Variants in TAF1B observed in about 807,000 individuals in gnomAD.
The protein encoded by TAF1B is TATA-box binding protein associated factor, RNA polymerase I subunit B.
TAF1B carries 61 observed loss-of-function variants against 83.9 expected under a neutral mutation model. That is an observed-to-expected ratio of 0.73 (90% CI 0.59 to 0.90). The LOEUF (loss-of-function observed/expected upper bound fraction) is 0.90, where lower values mean the gene tolerates loss of function less well. Ranked by LOEUF, TAF1B falls within the 40% of genes least tolerant of loss-of-function variation. The pLI, the probability that TAF1B is intolerant of heterozygous loss-of-function variation, is 0.00. For missense variants in TAF1B, 625 were observed against 677.0 expected, an observed-to-expected ratio of 0.92 and a Z score of 0.85; for synonymous variants, 221 against 224.6, an observed-to-expected ratio of 0.98 and a Z score of 0.14.
At chr2:9,868,045 G>A (rs2125146100) in intron 5 of TAF1B, among the ~76,000 whole-genome samples, 1 of 152,312 alleles carries the variant, frequency 6.6e-6, no homozygotes, top group Middle Eastern at 3.4e-3. Flanking sequence ...AGACCTGATG[G>A]CAGGGCTGGC....
At chr2:9,929,738 T>C (rs570453953) in intron 14 of TAF1B, among the ~76,000 whole-genome samples, 1 of 152,326 alleles carries the variant, frequency 6.6e-6, no homozygotes, top group East Asian at 1.9e-4. Context: ...TTTCTGTTGA[T>C]TGGAATAGTT....
chr2:9,891,614 G>T (rs454269), intron 8 of TAF1B, among the ~76,000 whole-genome samples: 42,475 of 152,002 alleles, frequency 0.28, 6,922 homozygotes, highest in Middle Eastern at 0.4. Flanking sequence ...GGCAGGTTCC[G>T]TAGGAGATAT....
chr2:9,910,614 A>C (rs1222101042), intron 9 of TAF1B, 122 bp from the exon 10 acceptor site: 37 of 750,134 alleles, frequency 4.9e-5, no homozygotes, highest in Non-Finnish European at 1.2e-5. Context: ...TTTATTCACA[A>C]AATGTGGGTC....
At chr2:9,892,204 A>G (rs756757478) in intron 8 of TAF1B, among the ~76,000 whole-genome samples, 3 of 152,232 alleles carry the variant, frequency 2.0e-5, no homozygotes, top group African/African-American at 2.4e-5. Flanking sequence ...ATTCAGCAGT[A>G]TATAACATGC....
In TAF1B at chr2:9,924,955, A is replaced by G. The variant is rs191128167; in HGVS notation, c.1565+5135A>G. Among the ~76,000 whole-genome samples, 1,003 of 152,280 alleles carry G rather than the reference A, an allele frequency of 6.6e-3. 10 individuals are homozygous for G. The highest frequency in any genetic ancestry group is 0.021 in the African/African-American group (870 of 41,564). ...TTACTATTCCTCCAATTGTTATAAC[A>G]GTTGGCTAGGTCAGAAGACCTGACT... On this transcript the variant is annotated intron_variant, in intron 14 of 14. Transcript: ENST00000263663.
At chr2:9,851,921 G>C (rs1013085595) in intron 4 of TAF1B, 2 of 559,408 alleles carry the variant, frequency 3.6e-6, no homozygotes, top group Non-Finnish European at 7.0e-6. Context: ...TAACTTTGGG[G>C]GTTTATTAGT....
At chr2:9,902,227 C>CA (rs1255438277) in intron 8 of TAF1B, among the ~76,000 whole-genome samples, 25 of 144,190 alleles carry the variant, frequency 1.7e-4, no homozygotes, top group Non-Finnish European at 2.0e-4. Flanking sequence ...ATATATGAAG[C>CA]TTTTTTTTTT....
chr2:9,868,208 T>C (rs1231686315), intron 5 of TAF1B, 68 bp from the exon 6 acceptor site: 3 of 1,544,894 alleles, frequency 1.9e-6, no homozygotes, highest in East Asian at 2.3e-5. Flanking sequence ...AGGAGTTGTT[T>C]AAGTTCACAG....
At chr2:9,932,677 A>G (rs1229977847) in intron 14 of TAF1B, among the ~76,000 whole-genome samples, 6 of 152,102 alleles carry the variant, frequency 3.9e-5, no homozygotes, top group African/African-American at 1.2e-4. Flanking sequence ...CTCAAACACC[A>G]TGCTGTGAGA....
chr2:9,872,400 G>A (rs774411398), intron 6 of TAF1B, among the ~76,000 whole-genome samples: 11 of 151,898 alleles, frequency 7.2e-5, no homozygotes, highest in Non-Finnish European at 1.3e-4. Context: ...CCTGGTGTTA[G>A]GCCTGCCTTC....
chr2:9,915,875 A>G (rs973721880), intron 12 of TAF1B, among the ~76,000 whole-genome samples: 17 of 151,576 alleles, frequency 1.1e-4, no homozygotes, highest in African/African-American at 4.1e-4. Context: ...AAACTGTTGT[A>G]TCCGTACAGT....
At chr2:9,898,222 C>G (rs1665076820) in intron 8 of TAF1B, among the ~76,000 whole-genome samples, 1 of 152,124 alleles carries the variant, frequency 6.6e-6, no homozygotes, top group Non-Finnish European at 1.5e-5. Flanking sequence ...TCCTGGAGAG[C>G]TTGTTTAAAC....
At chr2:9,885,140 C>T (rs986634245) in intron 8 of TAF1B, among the ~76,000 whole-genome samples, 1 of 152,164 alleles carries the variant, frequency 6.6e-6, no homozygotes, top group South Asian at 2.1e-4. Context: ...AGTAGGCAAA[C>T]AGGCTAAAAG....
chr2:9,885,672 C>T (rs1177003972), intron 8 of TAF1B, among the ~76,000 whole-genome samples: 1 of 152,122 alleles, frequency 6.6e-6, no homozygotes, highest in Non-Finnish European at 1.5e-5. Context: ...ACTACTTTTG[C>T]ATTAGCTATC....
chr2:9,898,894 G>A (rs1253565678), intron 8 of TAF1B, among the ~76,000 whole-genome samples: 1 of 137,872 alleles, frequency 7.3e-6, no homozygotes, highest in South Asian at 2.3e-4. Flanking sequence ...TTTAACATGT[G>A]TTTTTTTTTT....
intron 8 of TAF1B, among the ~76,000 whole-genome samples, chr2:9,883,728 G>A (rs531065135): frequency 6.6e-5 from 10 of 152,334 alleles, no homozygotes; most frequent in African/African-American, 1.7e-4. Flanking sequence ...CCAATAATGA[G>A]GATGGCACAA....
intron 5 of TAF1B, 62 bp downstream of exon 5, chr2:9,854,483 A>C: frequency 8.2e-7 from 1 of 1,225,162 alleles, no homozygotes; most frequent in Non-Finnish European, 1.2e-6. Flanking sequence ...AGAGATGAAG[A>C]TGGGTTCATG....
rs568805994 is a variant in TAF1B at position 9,918,965 on chromosome 2, CAGAT to C, written c.1272-73_1272-70del. The C allele has an allele frequency of 9.5e-4, 1,173 of 1,240,922 alleles. 2 individuals are homozygous for C. The highest frequency in any genetic ancestry group is 1.2e-3 in the Non-Finnish European group (1,055 of 850,558). The allele number at this position is 1,240,922 out of a possible 1,614,324, so 76.9% of individuals were successfully genotyped here. On this transcript the variant is annotated intron_variant, in intron 12 of 14. Transcript: ENST00000263663. ...AGCTATAACGAAATATCAGAAATCT[CAGAT>C]AGTGCTTCAGACAATGTGTTTATGT... is the stretch of plus-strand genomic sequence containing the variant.
In TAF1B at chr2:9,906,786, CAT is replaced by C. The variant is rs574877789; in HGVS notation, c.955+1781_955+1782del. Among the ~76,000 whole-genome samples, 29 of 152,226 alleles carry C rather than the reference CAT, an allele frequency of 1.9e-4. No individual in the cohort carries two copies. The East Asian group carries it at 4.4e-3, about 23-fold the overall frequency. ...TGGCTATTTCTACCTTAGGGTAACACATGTTATTTTTTTCTTCTCCTACCTTT... is the reference window on the plus strand; with the variant it reads ...TGGCTATTTCTACCTTAGGGTAACACGTTATTTTTTTCTTCTCCTACCTTT... On this transcript the variant is annotated intron_variant, in intron 9 of 14. Transcript: ENST00000263663.
Sources: gnomAD v4.1 joint callset for allele counts (sites outside exome capture counted in the v4.1 genomes callset) on GRCh38, gnomAD v4.1.1 for gene constraint, MANE v1.5 for transcripts, NCBI Gene and HGNC (gene_info 2026-07-23, HGNC 2026-07-21) for gene names.